The following TENM3 variants were observed in gnomAD, a reference collection of about 807,000 sequenced individuals.
The protein encoded by TENM3 is teneurin-3.
Under a neutral mutation model 255.1 loss-of-function variants are expected in TENM3, and 63 were observed. The observed-to-expected ratio is 0.25, with a 90% CI of 0.20 to 0.30. The LOEUF is 0.30. Ranked by LOEUF, TENM3 falls within the 10% of genes least tolerant of loss-of-function variation. The pLI is 1.00. For missense variants in TENM3, 2,929 were observed against 3,461.1 expected, an observed-to-expected ratio of 0.85 and a Z score of 3.86; for synonymous variants, 1,306 against 1,322.3, an observed-to-expected ratio of 0.99 and a Z score of 0.27.
At chr4:182,489,875 CCTTCCTCT>C (rs1341303382) in intron 3 of TENM3, among the ~76,000 whole-genome samples, 1 of 146,992 alleles carries the variant, frequency 6.8e-6, no homozygotes, top group African/African-American at 2.5e-5. Flanking sequence ...TCCCTTCCTC[CCTTCCTCT>C]TTCTTTCCTC....
At chr4:182,338,568 GGT>G (rs1253927918) in intron 2 of TENM3, among the ~76,000 whole-genome samples, 2 of 152,002 alleles carry the variant, frequency 1.3e-5, no homozygotes, top group Non-Finnish European at 2.9e-5. Context: ...GTTCTGGCTA[GGT>G]CAAAAGAATT....
the TENM3 span, among the ~76,000 whole-genome samples, chr4:181,447,649 TG>T: frequency 1.3e-5 from 2 of 152,124 alleles, no homozygotes; most frequent in Non-Finnish European, 2.9e-5. Context: ...ACCCTAAGGC[TG>T]GGTGGCCACT....
intron 3 of TENM3, among the ~76,000 whole-genome samples, chr4:182,587,766 C>G (rs1026433710): frequency 5.3e-5 from 8 of 152,030 alleles, no homozygotes; most frequent in African/African-American, 1.9e-4. Context: ...GTTATTTTTA[C>G]AATTTGTTTA....
intron 5 of TENM3, among the ~76,000 whole-genome samples, chr4:182,629,806 T>C (rs1484479682): frequency 1.3e-5 from 2 of 152,194 alleles, no homozygotes; most frequent in Non-Finnish European, 2.9e-5. Context: ...ATGATGTTTC[T>C]GCAGTGGACC....
At chr4:181,576,932 G>A in the TENM3 span, among the ~76,000 whole-genome samples, 1 of 136,526 alleles carries the variant, frequency 7.3e-6, no homozygotes, top group African/African-American at 2.8e-5. Flanking sequence ...TCCTGCCTCA[G>A]CCTCCCAAGT....
the TENM3 span, among the ~76,000 whole-genome samples, chr4:181,775,221 A>C: frequency 6.6e-6 from 1 of 152,128 alleles, no homozygotes; most frequent in Non-Finnish European, 1.5e-5. Flanking sequence ...TGACTATACC[A>C]AGTATGATAT....
chr4:181,742,922 C>T, the TENM3 span, among the ~76,000 whole-genome samples: 1,793 of 149,030 alleles, frequency 0.012, 38 homozygotes, highest in African/African-American at 0.042. Context: ...TGAGAATATG[C>T]GGTGTTTGGT....
At chr4:182,146,407 T>C (rs1456684713) in intron 1 of TENM3, among the ~76,000 whole-genome samples, 1 of 152,196 alleles carries the variant, frequency 6.6e-6, no homozygotes, top group Non-Finnish European at 1.5e-5. Flanking sequence ...TAAAATGTCA[T>C]GGCATTCACA....
At chr4:181,775,593 T>C in the TENM3 span, among the ~76,000 whole-genome samples, 1 of 152,158 alleles carries the variant, frequency 6.6e-6, no homozygotes, top group African/African-American at 2.4e-5. Context: ...TATTAAATTA[T>C]CAAACAGGAA....
At chr4:182,765,124 A>G (rs1399024890) in intron 22 of TENM3, among the ~76,000 whole-genome samples, 1 of 129,838 alleles carries the variant, frequency 7.7e-6, no homozygotes, top group Non-Finnish European at 1.6e-5. Context: ...GGCACAGTCT[A>G]GCATGTGATT....
the TENM3 span, among the ~76,000 whole-genome samples, chr4:182,083,495 G>T: frequency 6.6e-6 from 1 of 151,934 alleles, no homozygotes; most frequent in Admixed American, 6.6e-5. Flanking sequence ...TTTTTTTTCA[G>T]TCTTGCATTT....
intron 3 of TENM3, among the ~76,000 whole-genome samples, chr4:182,467,100 A>T (rs1732670038): frequency 6.6e-6 from 1 of 152,136 alleles, no homozygotes; most frequent in East Asian, 1.9e-4. Context: ...TCAGAATTTT[A>T]AAAACTAGAA....
intron 3 of TENM3, among the ~76,000 whole-genome samples, chr4:182,492,793 T>C (rs1735426093): frequency 6.6e-6 from 1 of 152,102 alleles, no homozygotes; most frequent in South Asian, 2.1e-4. Flanking sequence ...CATCAAGATA[T>C]CATTGTTATT....
chr4:181,487,360 A>G, the TENM3 span, among the ~76,000 whole-genome samples: 1 of 152,198 alleles, frequency 6.6e-6, no homozygotes, highest in Non-Finnish European at 1.5e-5. Context: ...TTGAAACAAA[A>G]TACCATAGAC....
At chr4:182,083,764 A>C in the TENM3 span, among the ~76,000 whole-genome samples, 3 of 152,220 alleles carry the variant, frequency 2.0e-5, no homozygotes, top group African/African-American at 7.2e-5. Context: ...GTATTCAGTA[A>C]CTGCATATAC....
the TENM3 span, among the ~76,000 whole-genome samples, chr4:181,550,501 C>G: frequency 6.6e-6 from 1 of 152,146 alleles, no homozygotes; most frequent in South Asian, 2.1e-4. Context: ...TGATGGTGGT[C>G]AATGATCGAG....
At chr4:181,913,702 G>T in the TENM3 span, among the ~76,000 whole-genome samples, 1,465 of 152,152 alleles carry the variant, frequency 9.6e-3, 137 homozygotes, top group East Asian at 0.22. Context: ...GGGCAAGGAG[G>T]GTAAGGAACG....
chr4:182,167,301 G>A (rs531352544), intron 1 of TENM3, among the ~76,000 whole-genome samples: 14 of 152,242 alleles, frequency 9.2e-5, no homozygotes, highest in African/African-American at 3.4e-4. Context: ...TTTAAAAACT[G>A]CAAAAGGTTT....
chr4:182,001,433 A>G, the TENM3 span, among the ~76,000 whole-genome samples: 1 of 152,184 alleles, frequency 6.6e-6, no homozygotes, highest in East Asian at 1.9e-4. Flanking sequence ...TCTGTTTATT[A>G]AATGGAACCT....
Sources: allele counts gnomAD v4.1 joint callset (sites outside exome capture counted in the v4.1 genomes callset), GRCh38; gene constraint gnomAD v4.1.1; transcripts MANE v1.5; gene names NCBI Gene and HGNC (gene_info 2026-07-23, HGNC 2026-07-21).